Variants in LRCH2 observed in about 807,000 individuals in gnomAD.
The protein encoded by LRCH2 is leucine-rich repeat and calponin homology domain-containing protein 2.
Under a neutral mutation model 68.9 loss-of-function variants are expected in LRCH2, and 38 were observed. The observed-to-expected ratio is 0.55, with a 90% CI of 0.43 to 0.72. LRCH2 has a LOEUF of 0.72. Among genes scored for constraint, LRCH2 ranks in the 30% least tolerant of loss-of-function variants. LRCH2 has a pLI of 0.00. For synonymous variants in LRCH2, 191 were observed against 208.1 expected, an observed-to-expected ratio of 0.92 and a Z score of 0.71; for missense variants, 528 against 572.9, an observed-to-expected ratio of 0.92 and a Z score of 0.80.
intron 1 of LRCH2, among the ~76,000 whole-genome samples, chrX:115,212,951 A>G (rs2073018381): frequency 1.9e-5 from 2 of 107,102 alleles, no homozygotes; most frequent in Admixed American, 2.0e-4. Context: ...AGCCTGGGAG[A>G]CAGAGCAAGA....
intron 3 of LRCH2, among the ~76,000 whole-genome samples, chrX:115,182,598 C>T (rs1343439279): frequency 9.0e-6 from 1 of 110,950 alleles, no homozygotes; most frequent in East Asian, 2.8e-4. Flanking sequence ...CTTTGGGAGA[C>T]CGAGGCAGGT....
At chrX:115,228,138 G>A (rs2073130974) in intron 1 of LRCH2, among the ~76,000 whole-genome samples, 1 of 111,922 alleles carries the variant, frequency 8.9e-6, no homozygotes, top group Non-Finnish European at 1.9e-5. Context: ...AGCAGATTGA[G>A]TGCACTAGCT....
chrX:115,192,720 A>G, intron 1 of LRCH2: 1 of 979,593 alleles, frequency 1.0e-6, no homozygotes, highest in South Asian at 2.1e-5. Flanking sequence ...TTAACTACCC[A>G]AGGACTAGTA....
chrX:115,125,482 T>C (rs1164700649), intron 16 of LRCH2, among the ~76,000 whole-genome samples: 6 of 69 alleles, frequency 0.087, no homozygotes, highest in East Asian at 0.5. Context: ...TATATATATA[T>C]ATATATATAT....
intron 1 of LRCH2, among the ~76,000 whole-genome samples, chrX:115,211,552 C>G (rs1179560312): frequency 8.9e-6 from 1 of 111,896 alleles, no homozygotes; most frequent in Non-Finnish European, 1.9e-5. Flanking sequence ...GAATGACATG[C>G]CTTCCCAAAG....
At chrX:115,212,202 G>A (rs1266712034) in intron 1 of LRCH2, among the ~76,000 whole-genome samples, 1 of 111,216 alleles carries the variant, frequency 9.0e-6, no homozygotes, top group South Asian at 3.9e-4. Context: ...CACAGCAAAT[G>A]GCATGAACAG....
chrX:115,220,517 T>C (rs782349383), intron 1 of LRCH2, among the ~76,000 whole-genome samples: 276 of 111,806 alleles, frequency 2.5e-3, no homozygotes, highest in African/African-American at 8.2e-3. Flanking sequence ...TAGCAGATCC[T>C]GGGATCTTAA....
chrX:115,189,941 C>T (rs2072772030), intron 1 of LRCH2: 7 of 1,158,830 alleles, frequency 6.0e-6, no homozygotes, highest in Non-Finnish European at 8.1e-6. Flanking sequence ...AGGGCCACGC[C>T]GTCGAGCCTG....
chrX:115,130,848 T>G (rs1185247544), intron 14 of LRCH2, among the ~76,000 whole-genome samples: 8 of 111,106 alleles, frequency 7.2e-5, no homozygotes, highest in African/African-American at 2.6e-4. Flanking sequence ...GAACCATGCT[T>G]ATATGTGAAA....
At chrX:115,206,101 T>C (rs1360749400) in intron 1 of LRCH2, among the ~76,000 whole-genome samples, 1 of 112,100 alleles carries the variant, frequency 8.9e-6, no homozygotes, top group Non-Finnish European at 1.9e-5. Context: ...TTCTTTATGT[T>C]CGTTCCCCTC....
intron 5 of LRCH2, among the ~76,000 whole-genome samples, chrX:115,175,673 T>C (rs782659358): frequency 8.9e-6 from 1 of 112,038 alleles, no homozygotes; most frequent in East Asian, 2.8e-4. Flanking sequence ...TATCCTTTTA[T>C]CTTGTTTACT....
intron 14 of LRCH2, among the ~76,000 whole-genome samples, chrX:115,133,191 C>T (rs182325349): frequency 1.2e-4 from 13 of 109,973 alleles, no homozygotes; most frequent in African/African-American, 3.6e-4. Flanking sequence ...TTGCAAGATG[C>T]AAAGAGGTTG....
At chrX:115,118,098 T>C (rs1181402754) in intron 20 of LRCH2, among the ~76,000 whole-genome samples, 1 of 110,359 alleles carries the variant, frequency 9.1e-6, no homozygotes, top group Non-Finnish European at 1.9e-5. Flanking sequence ...AGTGAATGCT[T>C]GTAATCCCAG....
intron 1 of LRCH2, among the ~76,000 whole-genome samples, chrX:115,218,966 A>C (rs2073060689): frequency 8.9e-6 from 1 of 112,278 alleles, no homozygotes; most frequent in Non-Finnish European, 1.9e-5. Flanking sequence ...TGCCTAGGTC[A>C]AGGTCAACCA....
chrX:115,141,900 GAAAAAAGAAA>G (rs1157783693), intron 14 of LRCH2, among the ~76,000 whole-genome samples: 1 of 101,056 alleles, frequency 9.9e-6, no homozygotes, highest in Non-Finnish European at 2.0e-5. Context: ...GAAAGAAAAA[GAAAAAAGAAA>G]AAAAAAGAAA....
At chrX:115,202,108 T>C (rs186867957) in intron 1 of LRCH2, among the ~76,000 whole-genome samples, 4 of 112,009 alleles carry the variant, frequency 3.6e-5, no homozygotes, top group African/African-American at 1.3e-4. Flanking sequence ...ATGCAATCCC[T>C]ACCAAAATAC....
intron 14 of LRCH2, among the ~76,000 whole-genome samples, chrX:115,136,678 T>C (rs2072292980): frequency 9.0e-6 from 1 of 111,391 alleles, no homozygotes; most frequent in African/African-American, 3.3e-5. Context: ...ACAGCCTGTG[T>C]AGAAAACAAA....
intron 1 of LRCH2, among the ~76,000 whole-genome samples, chrX:115,220,433 T>C (rs1223358215): frequency 8.9e-6 from 1 of 111,992 alleles, no homozygotes; most frequent in Non-Finnish European, 1.9e-5. Context: ...GAAGAAGCAG[T>C]GAATACAGAG....
chrX:115,125,970 C>A (rs782274963), intron 16 of LRCH2, among the ~76,000 whole-genome samples: 1 of 109,907 alleles, frequency 9.1e-6, no homozygotes, highest in South Asian at 3.8e-4. Context: ...AGATCACCCA[C>A]AACAACAAAG....
Sources: gnomAD v4.1 joint callset for allele counts (sites outside exome capture counted in the v4.1 genomes callset) on GRCh38, gnomAD v4.1.1 for gene constraint, MANE v1.5 for transcripts, NCBI Gene and HGNC (gene_info 2026-07-23, HGNC 2026-07-21) for gene names.